Variants in ANKRD44 observed in about 807,000 individuals in gnomAD.
ANKRD44 encodes the protein ankyrin repeat domain 44, also known as serine/threonine-protein phosphatase 6 regulatory ankyrin repeat subunit B.
In ANKRD44, 35 loss-of-function variants were observed where a neutral mutation model predicts 116.0. That is an observed-to-expected ratio of 0.30 (90% CI 0.23 to 0.40). ANKRD44 has a LOEUF of 0.40. Among genes scored for constraint, ANKRD44 ranks in the 10% least tolerant of loss-of-function variants. ANKRD44 has a pLI of 1.00. For missense variants in ANKRD44, 1,014 were observed against 1,242.6 expected (o/e 0.82, Z 2.77); for synonymous variants, 435 against 461.8 (o/e 0.94, Z 0.74).
chr2:197,245,151 TG>T (rs1282322108), intron 1 of ANKRD44, among the ~76,000 whole-genome samples: 2 of 152,032 alleles, frequency 1.3e-5, no homozygotes, highest in Non-Finnish European at 1.5e-5. Flanking sequence ...TCCCAGCTCC[TG>T]GGGAGGCTGA....
At chr2:197,138,641 C>T (rs73991208) in intron 3 of ANKRD44, among the ~76,000 whole-genome samples, 1,545 of 152,280 alleles carry the variant, frequency 0.01, 31 homozygotes, top group African/African-American at 0.034. Flanking sequence ...CCCGCCTTTA[C>T]GTCAGGACTT....
intron 1 of ANKRD44, among the ~76,000 whole-genome samples, chr2:197,242,706 G>T (rs1201494275): frequency 1.3e-5 from 2 of 152,156 alleles, no homozygotes; most frequent in African/African-American, 2.4e-5. Context: ...ATGGTTAACA[G>T]GACACTCTAG....
intron 1 of ANKRD44, among the ~76,000 whole-genome samples, chr2:197,275,066 A>G (rs2083034537): frequency 6.6e-6 from 1 of 150,684 alleles, no homozygotes; most frequent in Non-Finnish European, 1.5e-5. Flanking sequence ...CTGTGATTGT[A>G]CCATGACACT....
chr2:196,988,365 T>G lies in ANKRD44; in HGVS notation c.*1226A>C. 1.0e-6 allele frequency: 1 copy of G among 985,446 alleles called. No homozygotes were observed. The highest frequency in any genetic ancestry group is 1.2e-6 in the Non-Finnish European group (1 of 829,938). The allele number at this position is 985,446 out of a possible 1,614,324, so 61.0% of individuals were successfully genotyped here. ...TGCTCATTAGCAATTTATCTGCTTT[T>G]TAAAAATTCATCTTCTCTAAACAAA... On this transcript the variant is annotated 3_prime_UTR_variant, in exon 28 of 28. Transcript: ENST00000282272.
chr2:197,033,499 A>G (rs1017528777), intron 16 of ANKRD44, among the ~76,000 whole-genome samples: 2 of 152,232 alleles, frequency 1.3e-5, no homozygotes, highest in African/African-American at 4.8e-5. Context: ...AGATTCACAC[A>G]GCCAGTAAAG....
At chr2:196,973,699 T>C (rs2075731307) in intron 21 of ANKRD44, among the ~76,000 whole-genome samples, 2 of 152,192 alleles carry the variant, frequency 1.3e-5, no homozygotes, top group Non-Finnish European at 1.5e-5. Context: ...TTGTTTATAT[T>C]CACAAATGGC....
At position 197,113,906 on chromosome 2, in the gene ANKRD44, A is replaced by G. The variant is rs570032675; in HGVS notation, c.907-3062T>C. Among the ~76,000 whole-genome samples, 9 of 152,310 alleles carry G rather than the reference A, an allele frequency of 5.9e-5. No individual in the cohort carries two copies. The South Asian group carries it at 1.7e-3, about 28-fold the overall frequency. On this transcript the variant is annotated intron_variant, in intron 8 of 27. Transcript: ENST00000282272. ...TTTCTTCACATAGGGAAACAGGTAG[A>G]TAAGGTGGGGAAATTGGGACAGAAA...
At chr2:196,972,906 T>G (rs1164575382) in intron 21 of ANKRD44, among the ~76,000 whole-genome samples, 1 of 152,256 alleles carries the variant, frequency 6.6e-6, no homozygotes, top group Non-Finnish European at 1.5e-5. Flanking sequence ...ACATTTAGCA[T>G]CCCTGAAATT....
At chr2:197,153,510 A>ATTG (rs2079718229) in intron 2 of ANKRD44, among the ~76,000 whole-genome samples, 2 of 152,214 alleles carry the variant, frequency 1.3e-5, no homozygotes, top group Non-Finnish European at 2.9e-5. Context: ...GCCAAACGAC[A>ATTG]CAAAATGGGA....
chr2:197,212,293 A>G lies in ANKRD44; in HGVS notation c.28-25187T>C, dbSNP rs72926693. 6.6e-6 allele frequency among the ~76,000 whole-genome samples: 1 copy of G among 152,314 alleles called. No individual in the cohort carries two copies. The highest frequency in any genetic ancestry group is 1.5e-5 in the Non-Finnish European group (1 of 68,030). ...CTGAAACTGGCTTTTATGAGCCAGT[A>G]AGTGTGTGAGCTTAGATCATGGATA... On this transcript the variant is annotated intron_variant, in intron 1 of 27. Coordinates refer to ENST00000282272, the MANE Select transcript of ANKRD44 (RefSeq NM_001195144.2). This position sits in a 1 kb window ranked among gnomAD's most constrained non-coding sequence, Gnocchi z 4.8.
intron 1 of ANKRD44, among the ~76,000 whole-genome samples, chr2:197,236,363 T>C (rs1462230681): frequency 3.3e-5 from 5 of 152,088 alleles, no homozygotes; most frequent in Non-Finnish European, 7.3e-5. Context: ...CCACTCAAAC[T>C]GAGGCTGCCA....
chr2:197,164,010 G>A (rs1220240039), intron 2 of ANKRD44, among the ~76,000 whole-genome samples: 1 of 152,164 alleles, frequency 6.6e-6, no homozygotes, highest in East Asian at 1.9e-4. Flanking sequence ...AGTACAAAAA[G>A]AAAAGGAAGC....
intron 1 of ANKRD44, chr2:197,301,032 C>T (rs2083892855): frequency 1.3e-5 from 2 of 152,182 alleles, no homozygotes; most frequent in Admixed American, 6.5e-5. Flanking sequence ...GGTGAGCCAT[C>T]TTCCTCGGCC....
intron 2 of ANKRD44, among the ~76,000 whole-genome samples, chr2:197,175,038 G>T (rs2080331487): frequency 6.6e-6 from 1 of 152,188 alleles, no homozygotes; most frequent in Non-Finnish European, 1.5e-5. Context: ...TTTATTCTTA[G>T]TGGTGGGCTC....
At chr2:196,996,713 G>A (rs1347731863) in intron 25 of ANKRD44, among the ~76,000 whole-genome samples, 4 of 151,988 alleles carry the variant, frequency 2.6e-5, no homozygotes, top group Admixed American at 6.6e-5. Flanking sequence ...GACCAGCCTA[G>A]CCAGCATGGT....
intron 1 of ANKRD44, among the ~76,000 whole-genome samples, chr2:197,210,280 A>T (rs1364451382): frequency 1.3e-5 from 2 of 152,222 alleles, no homozygotes; most frequent in Non-Finnish European, 2.9e-5. Context: ...AGAAGCACTT[A>T]TTGAGCTACT....
At chr2:196,979,884 GTTTAAAGGTT>G (rs2075788699) in intron 21 of ANKRD44, among the ~76,000 whole-genome samples, 2 of 152,028 alleles carry the variant, frequency 1.3e-5, no homozygotes, top group African/African-American at 4.8e-5. Flanking sequence ...TTTATTTGCA[GTTTAAAGGTT>G]TTTAAAGGTT....
intron 2 of ANKRD44, among the ~76,000 whole-genome samples, chr2:197,155,796 A>T (rs1319753733): frequency 6.6e-6 from 1 of 152,246 alleles, no homozygotes; most frequent in African/African-American, 2.4e-5. Flanking sequence ...AAAACCCATA[A>T]AAGGATAAAT....
chr2:197,037,665 C>A (rs1309352188), intron 16 of ANKRD44, among the ~76,000 whole-genome samples: 1 of 152,186 alleles, frequency 6.6e-6, no homozygotes, highest in Admixed American at 6.5e-5. Flanking sequence ...AAGCTGGATG[C>A]AGTGGCTTAT....
Sources: allele counts gnomAD v4.1 joint callset (sites outside exome capture counted in the v4.1 genomes callset), GRCh38; gene constraint gnomAD v4.1.1; non-coding constraint Gnocchi (gnomAD v3.1); transcripts MANE v1.5; gene names NCBI Gene and HGNC (gene_info 2026-07-23, HGNC 2026-07-21).